ESR1: variants seen among roughly 807,000 people sequenced by gnomAD.
ESR1 encodes the protein estrogen receptor.
Under a neutral mutation model 52.7 loss-of-function variants are expected in ESR1, and 12 were observed. That is an observed-to-expected ratio of 0.23 (90% CI 0.15 to 0.37). The LOEUF (loss-of-function observed/expected upper bound fraction) is 0.37. Ranked by LOEUF, ESR1 falls within the 10% of genes least tolerant of loss-of-function variation. ESR1 has a pLI of 1.00. For synonymous variants in ESR1, 305 were observed against 316.8 expected (o/e 0.96, Z 0.39); for missense variants, 584 against 779.7 (o/e 0.75, Z 2.99).
At chr6:151,885,368 AACTCAGAGTATT>A (rs1464227138) in intron 3 of ESR1, among the ~76,000 whole-genome samples, 1 of 152,166 alleles carries the variant, frequency 6.6e-6, no homozygotes, top group African/African-American at 2.4e-5. Flanking sequence ...GGTTTAGTCC[AACTCAGAGTATT>A]ACTCAGACAC....
At chr6:151,920,301 CTT>C (rs11298172) in intron 3 of ESR1, among the ~76,000 whole-genome samples, 39 of 141,822 alleles carry the variant, frequency 2.7e-4, no homozygotes, top group Non-Finnish European at 2.5e-4. Flanking sequence ...CCCTTGACTG[CTT>C]TTTTTTTTTT....
intron 4 of ESR1, among the ~76,000 whole-genome samples, chr6:152,006,840 T>A (rs2042371401): frequency 6.6e-6 from 1 of 151,622 alleles, no homozygotes; most frequent in African/African-American, 2.4e-5. Context: ...GAAACCAATA[T>A]TTTTTTTTCC....
intron 1 of ESR1, among the ~76,000 whole-genome samples, chr6:151,695,551 G>T (rs1562335518): frequency 6.6e-6 from 1 of 152,108 alleles, no homozygotes; most frequent in Non-Finnish European, 1.5e-5. Context: ...TCCTCCCCTA[G>T]ATTGGTTCAG....
chr6:152,111,083 C>A (rs1379624449), intron 6 of ESR1, among the ~76,000 whole-genome samples: 1 of 152,160 alleles, frequency 6.6e-6, no homozygotes, highest in Non-Finnish European at 1.5e-5. Context: ...GCAGCAGGGC[C>A]TGTCTCAGCC....
intron 1 of ESR1, among the ~76,000 whole-genome samples, chr6:151,669,919 C>T (rs539500667): frequency 2.0e-5 from 3 of 152,256 alleles, no homozygotes; most frequent in African/African-American, 7.2e-5. Flanking sequence ...AAATGGAAGA[C>T]ACGGAAGATT....
rs571716987 is a variant in ESR1 at position 151,739,170 on chromosome 6, G to A, written c.-71+37165G>A. On this transcript the variant is annotated intron_variant, in intron 2 of 2. Coordinates refer to the ESR1 transcript ENST00000404742. The stretch of plus-strand genomic sequence containing the variant: ...TAGGGGATCAAGGTTAAGTTTCTTA[G>A]TCTTGGTAATTGTCAGATTTCTAGT... Among the ~76,000 whole-genome samples, 3 of 152,234 alleles carry A rather than the reference G, an allele frequency of 2.0e-5. No homozygotes were observed. The East Asian group carries it at 5.8e-4, about 29-fold the overall frequency.
At chr6:151,887,454 T>C (rs567047339) in intron 3 of ESR1, among the ~76,000 whole-genome samples, 1 of 152,230 alleles carries the variant, frequency 6.6e-6, no homozygotes, top group East Asian at 1.9e-4. Flanking sequence ...ATGAATCCAA[T>C]GTTTGACAGT....
intron 1 of ESR1, among the ~76,000 whole-genome samples, chr6:151,664,356 T>C (rs923400354): frequency 5.3e-5 from 8 of 152,368 alleles, no homozygotes; most frequent in Non-Finnish European, 8.8e-5. Flanking sequence ...TTGATACTGA[T>C]ATGATTTCTA....
chr6:151,828,211 T>C (rs1233393912), intron 1 of ESR1, among the ~76,000 whole-genome samples: 2 of 151,894 alleles, frequency 1.3e-5, no homozygotes, highest in Non-Finnish European at 2.9e-5. Context: ...TATCACGGAA[T>C]GAGTTCTACA....
intron 2 of ESR1, among the ~76,000 whole-genome samples, chr6:151,733,579 A>G (rs558330628): frequency 2.0e-4 from 31 of 152,248 alleles, no homozygotes; most frequent in African/African-American, 7.0e-4. Flanking sequence ...TCTCACAACA[A>G]TCTTACGAAA....
chr6:152,010,838 G>A (rs762532827), intron 4 of ESR1, among the ~76,000 whole-genome samples: 14 of 151,888 alleles, frequency 9.2e-5, no homozygotes, highest in African/African-American at 2.2e-4. Context: ...CTTCTTACCC[G>A]TAGTAAGGGC....
At chr6:151,887,342 A>C (rs1225783579) in intron 3 of ESR1, among the ~76,000 whole-genome samples, 3 of 152,040 alleles carry the variant, frequency 2.0e-5, no homozygotes, top group Non-Finnish European at 2.9e-5. Flanking sequence ...TTATTAATTC[A>C]TATAATAGAT....
chr6:151,776,830 A>G (rs1374361127), intron 2 of ESR1, among the ~76,000 whole-genome samples: 1 of 150,888 alleles, frequency 6.6e-6, no homozygotes, highest in Admixed American at 6.6e-5. Flanking sequence ...AAAGAGTGAA[A>G]CTCCGTCTTA....
At chr6:151,947,144 C>G (rs1252205624) in intron 4 of ESR1, among the ~76,000 whole-genome samples, 2 of 152,032 alleles carry the variant, frequency 1.3e-5, no homozygotes, top group African/African-American at 4.8e-5. Flanking sequence ...ATGACAAAAC[C>G]CTGTCTCTAC....
chr6:151,661,612 G>A (rs1426845327), intron 1 of ESR1, among the ~76,000 whole-genome samples: 1 of 152,142 alleles, frequency 6.6e-6, no homozygotes, highest in East Asian at 1.9e-4. Context: ...AATAAGTTTT[G>A]GCTCTGTGGC....
intron 2 of ESR1, among the ~76,000 whole-genome samples, chr6:151,796,713 G>C (rs1206564562): frequency 1.3e-5 from 2 of 152,204 alleles, no homozygotes; most frequent in African/African-American, 4.8e-5. Flanking sequence ...CGCTTCTGGT[G>C]AGGGCTCAGA....
chr6:152,016,124 C>T (rs1489804346), intron 5 of ESR1, among the ~76,000 whole-genome samples: 1 of 152,142 alleles, frequency 6.6e-6, no homozygotes. Context: ...AGTCCCCCTG[C>T]ACAAGCTCTC....
intron 3 of ESR1, among the ~76,000 whole-genome samples, chr6:151,919,164 A>T (rs947985020): frequency 2.8e-4 from 42 of 152,240 alleles, no homozygotes; most frequent in African/African-American, 1.0e-3. Flanking sequence ...GGACACAAGC[A>T]ATGGTAAACA....
chr6:151,674,384 G>A (rs1778181813), intron 1 of ESR1, among the ~76,000 whole-genome samples: 1 of 152,198 alleles, frequency 6.6e-6, no homozygotes, highest in Non-Finnish European at 1.5e-5. Flanking sequence ...TGGTTGCATA[G>A]TATTCCATGG....
Sources: gnomAD v4.1 joint callset for allele counts (sites outside exome capture counted in the v4.1 genomes callset) on GRCh38, gnomAD v4.1.1 for gene constraint, MANE v1.5 for transcripts, NCBI Gene and HGNC (gene_info 2026-07-23, HGNC 2026-07-21) for gene names.